The following SHLD1 variants were observed in gnomAD, a reference collection of about 807,000 sequenced individuals.
SHLD1 encodes shieldin complex subunit 1, also known as RINN1-REV7-interacting novel NHEJ regulator 3.
In SHLD1, 3 loss-of-function variants were observed where a neutral mutation model predicts 5.5. The ratio of observed to expected loss-of-function variants is 0.54; its 90% CI spans 0.25 to 1.40. The LOEUF (loss-of-function observed/expected upper bound fraction) is 1.40, where lower values mean the gene tolerates loss of function less well. SHLD1 is among the 40% of genes most tolerant of loss of function. The pLI is 0.15. For synonymous variants in SHLD1, 92 were observed against 94.3 expected (o/e 0.98, Z 0.14); for missense variants, 210 against 244.4 (o/e 0.86, Z 0.94).
chr20:5,815,739 T>C (rs1376162537), intron 2 of SHLD1, among the ~76,000 whole-genome samples: 3 of 152,188 alleles, frequency 2.0e-5, no homozygotes, highest in African/African-American at 7.2e-5. Context: ...TTGGATCCTA[T>C]AGCCTCTTGT....
intron 2 of SHLD1, among the ~76,000 whole-genome samples, chr20:5,774,221 A>G (rs117615792): frequency 0.025 from 3,731 of 152,242 alleles, 68 homozygotes; most frequent in Middle Eastern, 0.044. Context: ...AAAACAAAAA[A>G]CAAACAACAA....
chr20:5,790,643 G>A (rs554870341), intron 2 of SHLD1, among the ~76,000 whole-genome samples: 10 of 151,794 alleles, frequency 6.6e-5, no homozygotes, highest in Admixed American at 1.3e-4. Flanking sequence ...TAGTAGAGAC[G>A]GGGTTTCACC....
intron 2 of SHLD1, among the ~76,000 whole-genome samples, chr20:5,791,679 A>G (rs1388506765): frequency 4.6e-5 from 7 of 152,056 alleles, no homozygotes; most frequent in African/African-American, 1.7e-4. Flanking sequence ...GTGAAAGCCC[A>G]TGTGAAGAGA....
chr20:5,800,843 G>GTT (rs1568509198), intron 2 of SHLD1, among the ~76,000 whole-genome samples: 7,014 of 50,124 alleles, frequency 0.14, 533 homozygotes, highest in African/African-American at 0.27. Context: ...ATCTATACCT[G>GTT]TGTGTGTGTG....
At chr20:5,822,864 T>G (rs2122416423) in intron 2 of SHLD1, among the ~76,000 whole-genome samples, 1 of 152,102 alleles carries the variant, frequency 6.6e-6, no homozygotes, top group East Asian at 1.9e-4. Context: ...GGTCCTGCCC[T>G]GTTTCTCTGT....
rs114363660 is a variant in SHLD1, at chr20:5,863,266, G to C, written c.421G>C (p.Ala141Pro). 1.3e-4 allele frequency: 207 copies of C among 1,614,186 alleles called. 1 individual carries two copies. In the African/African-American group the frequency reaches 2.4e-3, roughly 19 times the overall value. Residue 141 changes from alanine to proline, a missense_variant, in exon 3 of 3, where the codon GCC becomes CCC. Coordinates refer to ENST00000303142, the MANE Select transcript of SHLD1 (RefSeq NM_152504.4). The stretch of plus-strand genomic sequence containing the variant: ...AAGAGGCCAGGAGAGCCAAAAGTAT[G>C]CCCTCCGCAGTTTTCAAATGGCCCG... Reference protein sequence around the residue: ...QLRGQESQKYALRSFQMARVI... With the variant: ...QLRGQESQKYPLRSFQMARVI...
chr20:5,807,408 G>T (rs1600142106), intron 2 of SHLD1, among the ~76,000 whole-genome samples: 1 of 143,952 alleles, frequency 6.9e-6, no homozygotes, highest in Non-Finnish European at 1.5e-5. Flanking sequence ...TTTTGAATTG[G>T]GGATCTTGCT....
chr20:5,840,301 T>C (rs2122465794), intron 2 of SHLD1, among the ~76,000 whole-genome samples: 1 of 152,332 alleles, frequency 6.6e-6, no homozygotes, highest in East Asian at 1.9e-4. Context: ...TCAATACCTA[T>C]TCCAATCCCC....
intron 1 of SHLD1, among the ~76,000 whole-genome samples, chr20:5,763,438 T>A (rs1431867331): frequency 6.6e-6 from 1 of 152,198 alleles, no homozygotes; most frequent in Non-Finnish European, 1.5e-5. Flanking sequence ...TGTCTTTCCT[T>A]TTGTTCCTAA....
chr20:5,834,423 G>A (rs1316871157), intron 2 of SHLD1, among the ~76,000 whole-genome samples: 1 of 152,084 alleles, frequency 6.6e-6, no homozygotes, highest in East Asian at 1.9e-4. Flanking sequence ...TCATCCAGCT[G>A]GGTTACATTC....
At chr20:5,765,760 G>A (rs1421182329) in intron 1 of SHLD1, among the ~76,000 whole-genome samples, 2 of 131,876 alleles carry the variant, frequency 1.5e-5, no homozygotes, top group Non-Finnish European at 3.2e-5. Context: ...TATTTTATAC[G>A]CACAAATCCT....
At chr20:5,818,355 C>T (rs1172324677) in intron 2 of SHLD1, among the ~76,000 whole-genome samples, 2 of 152,152 alleles carry the variant, frequency 1.3e-5, no homozygotes, top group East Asian at 1.9e-4. Flanking sequence ...GGATTACAGG[C>T]GTGAGCCACT....
At chr20:5,862,241 A>G (rs911694698) in intron 2 of SHLD1, among the ~76,000 whole-genome samples, 4 of 152,268 alleles carry the variant, frequency 2.6e-5, no homozygotes, top group African/African-American at 9.6e-5. Context: ...CCTTCAACAT[A>G]CTATAATATG....
chr20:5,761,733 A>C (rs1359223743), intron 1 of SHLD1, among the ~76,000 whole-genome samples: 1 of 149,654 alleles, frequency 6.7e-6, no homozygotes, highest in Non-Finnish European at 1.5e-5. Flanking sequence ...TCAGCCTCCC[A>C]AGTAGCTGGG....
At chr20:5,838,518 T>G (rs537926949) in intron 2 of SHLD1, among the ~76,000 whole-genome samples, 1 of 152,340 alleles carries the variant, frequency 6.6e-6, no homozygotes, top group South Asian at 2.1e-4. Flanking sequence ...CCCAACACTT[T>G]GGGAGGCCAA....
At chr20:5,773,114 TTC>T (rs1985263580) in intron 2 of SHLD1, 71 bp downstream of exon 2, 1 of 1,512,642 alleles carries the variant, frequency 6.6e-7, no homozygotes, top group Non-Finnish European at 9.2e-7. Context: ...GATAGTTTGT[TTC>T]TCTCTCTTCC....
At chr20:5,860,809 T>A (rs2088151212) in intron 2 of SHLD1, among the ~76,000 whole-genome samples, 1 of 148,540 alleles carries the variant, frequency 6.7e-6, no homozygotes, top group South Asian at 2.1e-4. Context: ...GTGATAGTGT[T>A]CTTGGGAAGA....
intron 1 of SHLD1, among the ~76,000 whole-genome samples, chr20:5,764,907 C>T (rs549081855): frequency 1.8e-4 from 28 of 152,060 alleles, no homozygotes; most frequent in Non-Finnish European, 3.5e-4. Flanking sequence ...ATGTGTGCAC[C>T]TTGATTGACT....
intron 2 of SHLD1, among the ~76,000 whole-genome samples, chr20:5,844,799 A>ATATATATATATTTTTT (rs1460082835): frequency 1.4e-5 from 1 of 71,692 alleles, no homozygotes; most frequent in East Asian, 3.7e-4. Context: ...ATATATATAT[A>ATATATATATATTTTTT]TTTTTTTTTT....
Sources: gnomAD v4.1 joint callset for allele counts (sites outside exome capture counted in the v4.1 genomes callset) on GRCh38, gnomAD v4.1.1 for gene constraint, MANE v1.5 for transcripts, NCBI Gene and HGNC (gene_info 2026-07-23, HGNC 2026-07-21) for gene names.